The following SYT16 variants were observed in gnomAD, a reference collection of about 807,000 sequenced individuals.
SYT16 encodes the protein synaptotagmin-16.
SYT16 carries 42 observed loss-of-function variants against 61.4 expected under a neutral mutation model. The observed-to-expected ratio is 0.68, with a 90% CI of 0.53 to 0.89. The LOEUF is 0.89. SYT16 is among the 40% of genes least tolerant of loss of function. The probability of loss-of-function intolerance (pLI) is 0.00; values close to 1 mark genes in which losing one functional copy is unlikely to be tolerated. For synonymous variants in SYT16, 314 were observed against 302.3 expected (o/e 1.04, Z -0.40); for missense variants, 804 against 807.3 (o/e 1.00, Z 0.05).
chr14:62,007,323 A>G (rs1021587995), intron 3 of SYT16, among the ~76,000 whole-genome samples: 1 of 152,136 alleles, frequency 6.6e-6, no homozygotes, highest in African/African-American at 2.4e-5. Flanking sequence ...AGTTAAATTT[A>G]TCTTCATTTG....
intron 1 of SYT16, among the ~76,000 whole-genome samples, chr14:61,967,776 G>A (rs1457317665): frequency 6.6e-6 from 1 of 152,120 alleles, no homozygotes; most frequent in Non-Finnish European, 1.5e-5. Context: ...ATATGTACTT[G>A]AGGCCACAGC....
chr14:62,067,793 C>G lies in SYT16; in HGVS notation c.524-1810C>G, dbSNP rs112993410. ...CCTGACCAACATGGTGAAACCCTGTCTCTACTAAAACAAACAAACAAACAA... is the reference window on the plus strand; with the variant it reads ...CCTGACCAACATGGTGAAACCCTGTGTCTACTAAAACAAACAAACAAACAA... On this transcript the variant is annotated intron_variant, in intron 3 of 7. Transcript: ENST00000683842. 2.7e-4 allele frequency among the ~76,000 whole-genome samples: 40 copies of G among 149,080 alleles called. 1 individual carries two copies. Among genetic ancestry groups the G allele is most frequent in the African/African-American group, 6.2e-4 (24 of 38,728 alleles).
rs748603841 is a variant in SYT16, at chr14:62,069,632, T to G, written c.553T>G (p.Ser185Ala). The change falls in exon 4 of 8, where the codon TCC becomes GCC. Residue 185 changes from serine to alanine, a missense_variant. Coordinates refer to ENST00000683842, the MANE Select transcript of SYT16 (RefSeq NM_001367656.1). ...CAGCTTTGGGGATGACGAAGAGCTG[T>G]CCACATCTTCTGACAGTGACGAGGA... ...VNSFGDDEELSTSSDSDEEVI... is the reference protein window; with the variant it reads ...VNSFGDDEELATSSDSDEEVI... 1.2e-5 allele frequency: 20 copies of G among 1,613,856 alleles called. No homozygotes were observed. The highest frequency in any genetic ancestry group is 1.4e-5 in the Non-Finnish European group (16 of 1,179,882).
chr14:61,876,567 G>C (rs1480473037), intron 1 of SYT16, among the ~76,000 whole-genome samples: 2 of 152,198 alleles, frequency 1.3e-5, no homozygotes, highest in Non-Finnish European at 2.9e-5. Context: ...ATAACACCGA[G>C]GAACAGCTGT....
chr14:62,041,597 C>T (rs915808432), intron 3 of SYT16, among the ~76,000 whole-genome samples: 30 of 152,122 alleles, frequency 2.0e-4, no homozygotes, highest in African/African-American at 7.0e-4. Context: ...ACTCTGCCTC[C>T]CGGGTTCAAG....
chr14:62,099,614 G>A (rs559032922), intron 7 of SYT16, among the ~76,000 whole-genome samples: 2 of 152,308 alleles, frequency 1.3e-5, no homozygotes, highest in East Asian at 3.9e-4. Context: ...GTTGAGGCCA[G>A]ACCTGTGGAC....
At chr14:61,877,399 C>G (rs997537800) in intron 1 of SYT16, among the ~76,000 whole-genome samples, 1 of 152,112 alleles carries the variant, frequency 6.6e-6, no homozygotes, top group Non-Finnish European at 1.5e-5. Context: ...ACTTCCTGTG[C>G]TAAGGGAGGA....
At chr14:62,079,206 G>A (rs892768313) in intron 5 of SYT16, 1 of 268,858 alleles carries the variant, frequency 3.7e-6, no homozygotes, top group Non-Finnish European at 6.5e-6. Flanking sequence ...GTATTCAAAA[G>A]TCTCTATAGC....
intron 2 of SYT16, among the ~76,000 whole-genome samples, chr14:61,983,452 C>A (rs1315820276): frequency 6.6e-6 from 1 of 152,090 alleles, no homozygotes; most frequent in African/African-American, 2.4e-5. Flanking sequence ...ATCTTATTTT[C>A]TTATAGTTTT....
chr14:61,912,755 A>G (rs1210094770), intron 1 of SYT16, among the ~76,000 whole-genome samples: 3 of 152,152 alleles, frequency 2.0e-5, no homozygotes, highest in Non-Finnish European at 4.4e-5. Flanking sequence ...CTCTCCATCA[A>G]ACATATCATT....
chr14:61,913,969 C>G (rs916370275), intron 1 of SYT16, among the ~76,000 whole-genome samples: 2 of 152,064 alleles, frequency 1.3e-5, no homozygotes, highest in Admixed American at 1.3e-4. Flanking sequence ...TAAAGCAGGT[C>G]TTGGAGAAAT....
intron 3 of SYT16, among the ~76,000 whole-genome samples, chr14:62,037,118 C>T (rs2054540580): frequency 6.6e-6 from 1 of 152,116 alleles, no homozygotes; most frequent in African/African-American, 2.4e-5. Flanking sequence ...GACACTTTTG[C>T]CTCTGAGCTA....
At chr14:62,078,435 A>G (rs1018582944) in intron 5 of SYT16, among the ~76,000 whole-genome samples, 98 of 152,246 alleles carry the variant, frequency 6.4e-4, no homozygotes, top group Non-Finnish European at 1.1e-3. Flanking sequence ...CCTCCATAAA[A>G]TGAAGATATT....
rs1172815217 is a variant in SYT16 at position 62,100,776 on chromosome 14, T to G, written c.*69T>G. ...TGTGTTGCTGTCTACTGACACTAAG[T>G]GTCCTGGCAAGGGTTTCAGGGTTTC... On this transcript the variant is annotated 3_prime_UTR_variant, in exon 8 of 8. Coordinates refer to ENST00000683842, the MANE Select transcript of SYT16 (RefSeq NM_001367656.1). The G allele has an allele frequency of 6.7e-7, 1 of 1,502,616 alleles. No individual in the cohort carries two copies. The highest frequency in any genetic ancestry group is 2.3e-5 in the East Asian group (1 of 43,246). The allele number at this position is 1,502,616 out of a possible 1,614,324, so 93.1% of individuals were successfully genotyped here. A position where few individuals can be genotyped will look rare whatever the true frequency, so the allele number is the denominator to read the frequency against.
At chr14:61,930,228 G>T (rs1040888319) in intron 1 of SYT16, among the ~76,000 whole-genome samples, 27 of 152,070 alleles carry the variant, frequency 1.8e-4, no homozygotes, top group African/African-American at 6.5e-4. Flanking sequence ...GTTTTATGCC[G>T]CTGTCTCCTA....
At chr14:62,067,104 A>ATGTG (rs34755658) in intron 3 of SYT16, among the ~76,000 whole-genome samples, 25 of 150,692 alleles carry the variant, frequency 1.7e-4, no homozygotes, top group South Asian at 6.3e-4. Context: ...GTGTGTGTGC[A>ATGTG]TGTGTGTGTG....
chr14:61,817,986 G>C (rs1203076735), intron 1 of SYT16, among the ~76,000 whole-genome samples: 1 of 152,176 alleles, frequency 6.6e-6, no homozygotes, highest in African/African-American at 2.4e-5. Flanking sequence ...TGCGAATTTG[G>C]GGGAGGGAGT....
chr14:61,859,564 C>A (rs2046902973), intron 1 of SYT16, among the ~76,000 whole-genome samples: 1 of 151,870 alleles, frequency 6.6e-6, no homozygotes. Flanking sequence ...TCTTCTTCTG[C>A]CTATTAAACC....
chr14:61,855,329 G>C (rs1424761138), intron 1 of SYT16, among the ~76,000 whole-genome samples: 2 of 152,058 alleles, frequency 1.3e-5, no homozygotes, highest in African/African-American at 4.8e-5. Flanking sequence ...ACTTATGATG[G>C]GGTTGTGTCC....
Sources: gnomAD v4.1 joint callset for allele counts (sites outside exome capture counted in the v4.1 genomes callset) on GRCh38, gnomAD v4.1.1 for gene constraint, MANE v1.5 for transcripts, NCBI Gene and HGNC (gene_info 2026-07-23, HGNC 2026-07-21) for gene names.